DYM: variants seen among roughly 807,000 people sequenced by gnomAD.
The protein encoded by DYM is dymeclin.
In DYM, 78 loss-of-function variants were observed where a neutral mutation model predicts 93.1. The observed-to-expected ratio is 0.84, with a 90% confidence interval of 0.70 to 1.01. The LOEUF is 1.01. Ranked by LOEUF, DYM falls within the 50% of genes least tolerant of loss-of-function variation. The pLI is 0.00. For missense variants in DYM, 789 were observed against 845.0 expected (o/e 0.93, Z 0.82); for synonymous variants, 321 against 319.7 (o/e 1.00, Z -0.04).
chr18:49,284,818 T>C (rs1481080194), intron 9 of DYM, among the ~76,000 whole-genome samples: 1 of 152,164 alleles, frequency 6.6e-6, no homozygotes, highest in Non-Finnish European at 1.5e-5. Flanking sequence ...TGTAAAATTG[T>C]TATTAATTCC....
At chr18:49,075,215 T>C (rs1001509019) in intron 17 of DYM, among the ~76,000 whole-genome samples, 20 of 152,220 alleles carry the variant, frequency 1.3e-4, no homozygotes, top group African/African-American at 4.6e-4. Context: ...ACATTCCCTC[T>C]TTCAGTTGCT....
At chr18:49,304,964 A>G (rs1468544960) in intron 8 of DYM, among the ~76,000 whole-genome samples, 1 of 152,120 alleles carries the variant, frequency 6.6e-6, no homozygotes, top group East Asian at 1.9e-4. Context: ...TGGTGACTGC[A>G]CTGCCACTAC....
At chr18:49,249,593 G>T (rs888670127) in intron 13 of DYM, among the ~76,000 whole-genome samples, 1 of 151,710 alleles carries the variant, frequency 6.6e-6, no homozygotes, top group East Asian at 1.9e-4. Flanking sequence ...AGCCTGAATG[G>T]TCTAAAAGAT....
chr18:49,449,174 A>C (rs1050271278), intron 1 of DYM, among the ~76,000 whole-genome samples: 1 of 152,210 alleles, frequency 6.6e-6, no homozygotes, highest in African/African-American at 2.4e-5. Flanking sequence ...AAGGTGACTG[A>C]GGCCAATTTT....
intron 2 of DYM, among the ~76,000 whole-genome samples, chr18:49,417,128 A>G (rs954521487): frequency 6.6e-6 from 1 of 152,112 alleles, no homozygotes; most frequent in African/African-American, 2.4e-5. Context: ...ACCCATATGT[A>G]TAAGGTGGTA....
intron 17 of DYM, among the ~76,000 whole-genome samples, chr18:49,045,880 G>T (rs2071423801): frequency 6.6e-6 from 1 of 152,128 alleles, no homozygotes; most frequent in South Asian, 2.1e-4. Context: ...CCTCTGAAGG[G>T]CCTGAAGGCT....
At position 49,379,672 on chromosome 18, in the gene DYM, A is replaced by C. The variant is rs1441624531; in HGVS notation, c.280T>G (p.Cys94Gly). The C allele has an allele frequency of 3.7e-6, 6 of 1,610,900 alleles. No individual in the cohort carries two copies. Among genetic ancestry groups the C allele is most frequent in the African/African-American group, 1.3e-5 (1 of 74,880 alleles). Residue 94 changes from cysteine (C) to glycine (G), a missense_variant, in exon 4 of 18, where the codon TGT (cysteine) becomes GGT (glycine). By Grantham distance (159) the Cys-to-Gly change is radical (BLOSUM62 -3). Transcript: ENST00000675505. ...TTTAATTAGCCAGCTTACTTCTGACATTCTGCTGAAAGTTTTAGTTCTTTG... is the reference window on the plus strand; with the variant it reads ...TTTAATTAGCCAGCTTACTTCTGACCTTCTGCTGAAAGTTTTAGTTCTTTG... ...RTKELKLSAECQNHIFIWQTH... is the reference protein window; with the variant it reads ...RTKELKLSAEGQNHIFIWQTH...
At chr18:49,420,587 C>A (rs2073559123) in intron 2 of DYM, among the ~76,000 whole-genome samples, 1 of 152,178 alleles carries the variant, frequency 6.6e-6, no homozygotes, top group South Asian at 2.1e-4. Context: ...CAGCTCCCAG[C>A]ATGAGCAACA....
At chr18:49,258,533 T>A (rs768582448) in intron 11 of DYM, 40 bp from the exon 12 acceptor site, 1 of 1,257,986 alleles carries the variant, frequency 7.9e-7, no homozygotes, top group African/African-American at 1.5e-5. Context: ...AAATGATTGC[T>A]TTACAGACAA....
intron 17 of DYM, among the ~76,000 whole-genome samples, chr18:49,096,779 G>A (rs2079585627): frequency 6.6e-6 from 1 of 152,156 alleles, no homozygotes; most frequent in Non-Finnish European, 1.5e-5. Flanking sequence ...TCTCCACGAA[G>A]TGCATCTCTT....
At chr18:49,093,184 C>T (rs2079221495) in intron 17 of DYM, 1 of 152,062 alleles carries the variant, frequency 6.6e-6, no homozygotes, top group Admixed American at 6.6e-5. Flanking sequence ...TCAGAGTGGG[C>T]TTCATAGAAA....
intron 8 of DYM, among the ~76,000 whole-genome samples, chr18:49,325,627 G>T (rs2062825072): frequency 6.6e-6 from 1 of 152,096 alleles, no homozygotes; most frequent in South Asian, 2.1e-4. Flanking sequence ...AAGGAAGATA[G>T]CACATAAAAA....
chr18:49,385,279 C>T (rs1346578953), intron 3 of DYM, among the ~76,000 whole-genome samples: 4 of 152,236 alleles, frequency 2.6e-5, no homozygotes, highest in Admixed American at 2.6e-4. Flanking sequence ...CCTCATCCCT[C>T]ACCTACAGGG....
chr18:49,163,267 A>G (rs1600252032), intron 15 of DYM, among the ~76,000 whole-genome samples: 1 of 152,334 alleles, frequency 6.6e-6, no homozygotes, highest in East Asian at 1.9e-4. Context: ...TTTCTTGGGC[A>G]GCAAAGATTT....
chr18:49,203,816 C>G (rs1230231177), intron 14 of DYM, among the ~76,000 whole-genome samples: 1 of 135,166 alleles, frequency 7.4e-6, no homozygotes, highest in African/African-American at 2.8e-5. Flanking sequence ...CCTGCCAAAT[C>G]CCCCTCTGTG....
intron 8 of DYM, among the ~76,000 whole-genome samples, chr18:49,289,684 C>G (rs1490626525): frequency 7.2e-6 from 1 of 137,998 alleles, no homozygotes; most frequent in Non-Finnish European, 1.5e-5. Flanking sequence ...GCACTCCAAC[C>G]CAGGCAACAG....
chr18:49,191,500 A>C (rs1340946542), intron 14 of DYM, among the ~76,000 whole-genome samples: 2 of 152,148 alleles, frequency 1.3e-5, no homozygotes, highest in African/African-American at 4.8e-5. Context: ...AACACCATGA[A>C]ATTTTTATAA....
At chr18:49,172,951 C>A (rs2088938975) in intron 14 of DYM, among the ~76,000 whole-genome samples, 1 of 150,758 alleles carries the variant, frequency 6.6e-6, no homozygotes, top group African/African-American at 2.4e-5. Context: ...TGTCTATGAT[C>A]CATTTTGCAT....
At chr18:49,085,628 G>A (rs866212499) in intron 17 of DYM, among the ~76,000 whole-genome samples, 2 of 19,862 alleles carry the variant, frequency 1.0e-4, no homozygotes, top group African/African-American at 1.6e-4. Context: ...TTTTTTTTTT[G>A]ATGGAGTCTC....
Sources: gnomAD v4.1 joint callset for allele counts (sites outside exome capture counted in the v4.1 genomes callset) on GRCh38, gnomAD v4.1.1 for gene constraint, MANE v1.5 for transcripts, NCBI Gene and HGNC (gene_info 2026-07-23, HGNC 2026-07-21) for gene names.